The following TRERF1 variants were observed in gnomAD, a reference collection of about 807,000 sequenced individuals.
TRERF1 encodes the protein transcriptional regulating factor 1.
TRERF1 carries 27 observed loss-of-function variants against 122.9 expected under a neutral mutation model. The ratio of observed to expected loss-of-function variants is 0.22; its 90% CI spans 0.16 to 0.30. The LOEUF is 0.30. Among genes scored for constraint, TRERF1 ranks in the 10% least tolerant of loss-of-function variants. The probability of loss-of-function intolerance (pLI) is 1.00; values close to 1 mark genes in which losing one functional copy is unlikely to be tolerated. For synonymous variants in TRERF1, 636 were observed against 641.7 expected (o/e 0.99, Z 0.13); for missense variants, 1,248 against 1,560.3 (o/e 0.80, Z 3.37).
At chr6:42,314,793 G>A (rs1287384109) in intron 3 of TRERF1, among the ~76,000 whole-genome samples, 8 of 152,234 alleles carry the variant, frequency 5.3e-5, no homozygotes, top group African/African-American at 1.7e-4. Flanking sequence ...GGTACATGCC[G>A]GATGTGACTG....
intron 3 of TRERF1, among the ~76,000 whole-genome samples, chr6:42,360,603 G>A (rs150882349): frequency 1.9e-3 from 291 of 151,932 alleles, no homozygotes; most frequent in African/African-American, 6.4e-3. Flanking sequence ...GGGTGGTACA[G>A]TATGGTGGAT....
chr6:42,350,083 T>C (rs1171768552), intron 3 of TRERF1, among the ~76,000 whole-genome samples: 4 of 152,226 alleles, frequency 2.6e-5, no homozygotes, highest in African/African-American at 9.6e-5. Flanking sequence ...CTTTCATAAA[T>C]CATTTGGGAG....
rs769439387 is a variant in TRERF1, at chr6:42,228,455, C to T, written c.3493G>A (p.Asp1165Asn). The T allele has an allele frequency of 3.5e-5, 57 of 1,614,200 alleles. No homozygotes were observed. The East Asian group carries it at 6.0e-4, about 17-fold the overall frequency. Reference sequence around the variant, plus strand: ...ACACCTCCCAACTGCTGGACGACGTCGTCGTCGAGGATGTCCACATCCTTG... The same window carrying T: ...ACACCTCCCAACTGCTGGACGACGTTGTCGTCGAGGATGTCCACATCCTTG... Residue 1165 changes from aspartate to asparagine, a missense_variant, in exon 18 of 18, where the codon GAC becomes AAC. Physicochemically the swap from Asp to Asn is conservative, Grantham distance 23. This residue lies in a region of TRERF1 where 84 missense variants were observed against 116.0 expected (regional missense o/e 0.72). Transcript: ENST00000372922. The surrounding 1 kb of genome is among the most constrained non-coding windows in gnomAD (Gnocchi z 4.2).
intron 2 of TRERF1, among the ~76,000 whole-genome samples, chr6:42,364,293 G>A (rs989757034): frequency 7.2e-5 from 11 of 152,114 alleles, no homozygotes; most frequent in Non-Finnish European, 1.6e-4. Context: ...CTGCTCTCAC[G>A]TCCTTTGCAG....
chr6:42,450,276 T>C (rs1204953732), intron 2 of TRERF1, among the ~76,000 whole-genome samples: 1 of 152,212 alleles, frequency 6.6e-6, no homozygotes, highest in Admixed American at 6.5e-5. Context: ...CTCCCCTTCT[T>C]AAAACTCTCC....
intron 2 of TRERF1, among the ~76,000 whole-genome samples, chr6:42,406,583 G>A (rs1780213516): frequency 6.6e-6 from 1 of 152,128 alleles, no homozygotes. Flanking sequence ...TATCCTAGAC[G>A]ACTGCTCAAA....
At chr6:42,374,836 T>C (rs1344628064) in intron 2 of TRERF1, among the ~76,000 whole-genome samples, 5 of 151,710 alleles carry the variant, frequency 3.3e-5, no homozygotes, top group Admixed American at 6.6e-5. Context: ...GGTAAAACCC[T>C]GTCTCTACTA....
At chr6:42,368,841 A>G (rs1252804335) in intron 2 of TRERF1, among the ~76,000 whole-genome samples, 1 of 152,204 alleles carries the variant, frequency 6.6e-6, no homozygotes, top group Admixed American at 6.5e-5. Flanking sequence ...TTTTAGTTAA[A>G]AAATGACTTC....
chr6:42,403,852 T>C (rs911249502), intron 2 of TRERF1, among the ~76,000 whole-genome samples: 4 of 152,194 alleles, frequency 2.6e-5, no homozygotes, highest in African/African-American at 4.8e-5. Flanking sequence ...CAGGGCTTCA[T>C]TGTCCACTGT....
chr6:42,337,431 T>C (rs1230413423), intron 3 of TRERF1, among the ~76,000 whole-genome samples: 1 of 152,170 alleles, frequency 6.6e-6, no homozygotes, highest in Non-Finnish European at 1.5e-5. Context: ...TTCTCTGGGT[T>C]CAGGAACAAT....
chr6:42,444,173 CTTTGCTTTTTTTTTTTT>C (rs1787046909), intron 2 of TRERF1, among the ~76,000 whole-genome samples: 2 of 113,204 alleles, frequency 1.8e-5, no homozygotes, highest in African/African-American at 5.8e-5. Flanking sequence ...AACAGGCAGC[CTTTGCTTTTTTTTTTTT>C]TTTGCTTTTT....
At chr6:42,309,180 A>T (rs1368070674) in intron 3 of TRERF1, among the ~76,000 whole-genome samples, 2 of 152,156 alleles carry the variant, frequency 1.3e-5, no homozygotes, top group Non-Finnish European at 2.9e-5. Context: ...ATTTGTGTAA[A>T]CAATGCCTTT....
At chr6:42,423,554 G>A (rs1783130554) in intron 2 of TRERF1, among the ~76,000 whole-genome samples, 1 of 152,036 alleles carries the variant, frequency 6.6e-6, no homozygotes, top group Non-Finnish European at 1.5e-5. Flanking sequence ...GCACCACCTT[G>A]CATGGGCAGG....
intron 4 of TRERF1, among the ~76,000 whole-genome samples, chr6:42,299,570 A>T (rs1785779394): frequency 6.6e-6 from 1 of 152,218 alleles, no homozygotes; most frequent in Non-Finnish European, 1.5e-5. Flanking sequence ...ACAAAATCAG[A>T]AAAGAACATA....
At chr6:42,372,846 TGGGTGGGG>T (rs1774015053) in intron 2 of TRERF1, among the ~76,000 whole-genome samples, 1 of 152,074 alleles carries the variant, frequency 6.6e-6, no homozygotes, top group Non-Finnish European at 1.5e-5. Flanking sequence ...GACCACAGGG[TGGGTGGGG>T]CCCCACTACG....
chr6:42,252,951 T>C (rs1218823904), intron 13 of TRERF1, among the ~76,000 whole-genome samples: 2 of 152,162 alleles, frequency 1.3e-5, no homozygotes, highest in African/African-American at 4.8e-5. Context: ...CTCCAAGGAT[T>C]GAAATGATTC....
At chr6:42,331,708 GGCTGGGT>G (rs1307392640) in intron 3 of TRERF1, among the ~76,000 whole-genome samples, 1 of 152,136 alleles carries the variant, frequency 6.6e-6, no homozygotes, top group African/African-American at 2.4e-5. Flanking sequence ...TGAGCCACAG[GGCTGGGT>G]GCTGGGTGCT....
At chr6:42,409,826 A>G (rs995385117) in intron 2 of TRERF1, among the ~76,000 whole-genome samples, 4 of 152,182 alleles carry the variant, frequency 2.6e-5, no homozygotes, top group Non-Finnish European at 5.9e-5. Context: ...CCCACTCAGT[A>G]TCTGCAGCCC....
intron 2 of TRERF1, among the ~76,000 whole-genome samples, chr6:42,377,626 A>T (rs760346380): frequency 1.1e-4 from 16 of 152,238 alleles, no homozygotes; most frequent in Non-Finnish European, 1.9e-4. Context: ...CTTGGGCAGT[A>T]TGAACATTTA....
Sources: gnomAD v4.1 joint callset for allele counts (sites outside exome capture counted in the v4.1 genomes callset) on GRCh38, gnomAD v4.1.1 for gene constraint, gnomAD v4.1.1 regional missense constraint, Gnocchi (gnomAD v3.1) non-coding constraint, MANE v1.5 for transcripts, NCBI Gene and HGNC (gene_info 2026-07-23, HGNC 2026-07-21) for gene names.